Variants in TASP1 observed in about 807,000 individuals in gnomAD.
TASP1 encodes threonine aspartase 1.
A neutral mutation model predicts 56.6 loss-of-function variants in TASP1; 16 were observed. The observed-to-expected ratio is 0.28, with a 90% CI of 0.19 to 0.43. The LOEUF is 0.43. Among genes scored for constraint, TASP1 ranks in the 20% least tolerant of loss-of-function variants. The pLI, the probability that TASP1 is intolerant of heterozygous loss-of-function variation, is 1.00. For missense variants in TASP1, 393 were observed against 511.6 expected, an observed-to-expected ratio of 0.77 and a Z score of 2.24; for synonymous variants, 179 against 184.2, an observed-to-expected ratio of 0.97 and a Z score of 0.23.
intron 4 of TASP1, among the ~76,000 whole-genome samples, chr20:13,601,302 C>T (rs1387471458): frequency 6.6e-6 from 1 of 151,718 alleles, no homozygotes; most frequent in African/African-American, 2.4e-5. Flanking sequence ...AAAAATGAGC[C>T]TGGAGCATCT....
chr20:13,301,580 G>A, the TASP1 span, among the ~76,000 whole-genome samples: 1 of 152,206 alleles, frequency 6.6e-6, no homozygotes, highest in Admixed American at 6.5e-5. Flanking sequence ...ATCACGGAAT[G>A]AGAAGACTTA....
intron 11 of TASP1, among the ~76,000 whole-genome samples, chr20:13,461,907 A>C (rs149918351): frequency 2.9e-4 from 44 of 152,302 alleles, no homozygotes; most frequent in African/African-American, 1.0e-3. Context: ...TACAAGATTC[A>C]TTCTTTCCAT....
At chr20:13,183,042 T>C in the TASP1 span, among the ~76,000 whole-genome samples, 1 of 152,228 alleles carries the variant, frequency 6.6e-6, no homozygotes, top group Non-Finnish European at 1.5e-5. Context: ...CCTTTGAATC[T>C]GGGTTGGGCC....
chr20:13,276,767 A>G, the TASP1 span, among the ~76,000 whole-genome samples: 1 of 152,334 alleles, frequency 6.6e-6, no homozygotes, highest in East Asian at 1.9e-4. Flanking sequence ...AAGCATGTAA[A>G]TAGAATGAGA....
chr20:13,395,287 G>A (rs1399487067), intron 13 of TASP1, among the ~76,000 whole-genome samples: 1 of 152,072 alleles, frequency 6.6e-6, no homozygotes, highest in Non-Finnish European at 1.5e-5. Context: ...TGTTTGCATG[G>A]GCATTTTCCT....
the TASP1 span, among the ~76,000 whole-genome samples, chr20:13,234,671 A>G: frequency 6.6e-6 from 1 of 152,160 alleles, no homozygotes; most frequent in Non-Finnish European, 1.5e-5. Flanking sequence ...ATGGTATCTC[A>G]TTGTGGTTTT....
At chr20:13,599,617 G>A (rs1568633382) in intron 4 of TASP1, among the ~76,000 whole-genome samples, 1 of 152,058 alleles carries the variant, frequency 6.6e-6, no homozygotes, top group Non-Finnish European at 1.5e-5. Flanking sequence ...CATGGCACAT[G>A]TGTAGCTATG....
chr20:13,368,081 T>C, the TASP1 span, among the ~76,000 whole-genome samples: 1 of 152,196 alleles, frequency 6.6e-6, no homozygotes, highest in African/African-American at 2.4e-5. Context: ...CTGAAACCAT[T>C]GACATTCCCA....
chr20:13,487,409 T>A (rs1167363737), intron 10 of TASP1, among the ~76,000 whole-genome samples: 1 of 152,182 alleles, frequency 6.6e-6, no homozygotes, highest in Non-Finnish European at 1.5e-5. Flanking sequence ...TGATTGTGTA[T>A]TCTACACACC....
chr20:13,392,264 T>G (rs2041317010), intron 13 of TASP1, among the ~76,000 whole-genome samples: 2 of 152,172 alleles, frequency 1.3e-5, no homozygotes, highest in Non-Finnish European at 2.9e-5. Flanking sequence ...TTGGGTCATC[T>G]CCCTCCACTC....
the TASP1 span, among the ~76,000 whole-genome samples, chr20:13,218,149 G>A: frequency 6.6e-6 from 1 of 151,938 alleles, no homozygotes. Flanking sequence ...TACTCCGTAA[G>A]CTGAGGAAGG....
At chr20:13,299,491 C>T in the TASP1 span, 2 of 1,568,064 alleles carry the variant, frequency 1.3e-6, no homozygotes, top group South Asian at 2.3e-5. The surrounding 1 kb of genome is among the most constrained non-coding windows in gnomAD (Gnocchi z 5.8). Context: ...GACGCTGCCT[C>T]TGGTTCTGGA....
At chr20:13,528,648 T>A in intron 9 of TASP1, 137 bp from the exon 10 acceptor site, 1 of 601,910 alleles carries the variant, frequency 1.7e-6, no homozygotes. Context: ...CCAGATGTTG[T>A]ATAAGACATA....
the TASP1 span, among the ~76,000 whole-genome samples, chr20:13,361,931 C>T: frequency 6.6e-6 from 1 of 152,020 alleles, no homozygotes; most frequent in African/African-American, 2.4e-5. Context: ...CCTTTTACAC[C>T]TGTTTTTCTC....
At chr20:13,238,214 G>C in the TASP1 span, 1 of 152,174 alleles carries the variant, frequency 6.6e-6, no homozygotes, top group Non-Finnish European at 1.5e-5. Context: ...CAGAAGTCCA[G>C]CCATGGGCCT....
chr20:13,173,040 T>C, the TASP1 span, among the ~76,000 whole-genome samples: 64 of 152,284 alleles, frequency 4.2e-4, no homozygotes, highest in African/African-American at 1.3e-3. Context: ...ACTTTGCCAT[T>C]GCATGTGTGG....
At chr20:13,180,970 T>C in the TASP1 span, among the ~76,000 whole-genome samples, 2,280 of 152,328 alleles carry the variant, frequency 0.015, 24 homozygotes, top group South Asian at 0.026. Flanking sequence ...ATTCTCTGCA[T>C]GCTGGTGTCT....
the TASP1 span, among the ~76,000 whole-genome samples, chr20:13,159,804 A>T: frequency 6.6e-6 from 1 of 152,130 alleles, no homozygotes; most frequent in Non-Finnish European, 1.5e-5. Context: ...CATGAGTGGC[A>T]CCAAGTGACT....
At chr20:13,551,481 G>C (rs894877471) in intron 8 of TASP1, among the ~76,000 whole-genome samples, 1 of 152,086 alleles carries the variant, frequency 6.6e-6, no homozygotes, top group African/African-American at 2.4e-5. Context: ...GAAAAAAAAG[G>C]CTTGAAACAT....
Sources: gnomAD v4.1 joint callset for allele counts (sites outside exome capture counted in the v4.1 genomes callset) on GRCh38, gnomAD v4.1.1 for gene constraint, Gnocchi (gnomAD v3.1) non-coding constraint, MANE v1.5 for transcripts, NCBI Gene and HGNC (gene_info 2026-07-23, HGNC 2026-07-21) for gene names.